The following FAT3 variants were observed in gnomAD, a reference collection of about 807,000 sequenced individuals.
FAT3 encodes FAT atypical cadherin 3, also known as protocadherin Fat 3.
FAT3 carries 95 observed loss-of-function variants against 310.2 expected under a neutral mutation model. The observed-to-expected ratio is 0.31, with a 90% confidence interval of 0.26 to 0.36. FAT3 has a LOEUF of 0.36. Ranked by LOEUF, FAT3 falls within the 10% of genes least tolerant of loss-of-function variation. FAT3 has a pLI of 1.00. For missense variants in FAT3, 5,408 were observed against 5,715.6 expected, an observed-to-expected ratio of 0.95 and a Z score of 1.74; for synonymous variants, 2,314 against 2,192.9, an observed-to-expected ratio of 1.06 and a Z score of -1.54.
At chr11:92,568,373 T>C (rs1202233009) in intron 3 of FAT3, among the ~76,000 whole-genome samples, 1 of 136,672 alleles carries the variant, frequency 7.3e-6, no homozygotes, top group Non-Finnish European at 1.6e-5. Context: ...AGTATCCCGA[T>C]GGCATGATGA....
chr11:92,860,219 A>G (rs1214733690), intron 21 of FAT3, among the ~76,000 whole-genome samples: 2 of 152,218 alleles, frequency 1.3e-5, no homozygotes, highest in African/African-American at 4.8e-5. Flanking sequence ...TACAGCTAAT[A>G]TGATAAGTTT....
Position 92,831,747 on chromosome 11 carries a change from A to G in FAT3, c.9607A>G (p.Ile3203Val), listed in dbSNP as rs139337740. ...CCGTGAGCAGCAGTCTTCGTACAAC[A>G]TCAGCGTGCGGGCCACTGACCAGAG... ...LDREQQSSYN[I>V]SVRATDQSPG... Residue 3203 changes from isoleucine to valine, a missense_variant, in exon 14 of 28, where the codon ATC becomes GTC. This residue lies in a region of FAT3 where 4,588 missense variants were observed against 4,809.8 expected (regional missense o/e 0.95). Coordinates refer to ENST00000525166, the MANE Select transcript of FAT3 (RefSeq NM_001367949.2). 1,435 of 1,613,540 alleles carry G rather than the reference A, an allele frequency of 8.9e-4. 9 individuals are homozygous for G. Among genetic ancestry groups the G allele is most frequent in the South Asian group, 5.4e-3 (490 of 90,934 alleles).
rs1947466004 is a variant in FAT3 at position 92,805,092 on chromosome 11, G to A, written c.8897-61G>A. The A allele has an allele frequency of 7.8e-6, 12 of 1,534,392 alleles. No individual in the cohort carries two copies. The South Asian group carries it at 1.1e-4, about 14-fold the overall frequency. ...GACTCCACATGCACCTCTCAAGGTA[G>A]ATGTAGATTAAGACATTTCATTGCA... On this transcript the variant is annotated intron_variant, in intron 10 of 27. Coordinates refer to ENST00000525166, the MANE Select transcript of FAT3 (RefSeq NM_001367949.2).
intron 14 of FAT3, among the ~76,000 whole-genome samples, chr11:92,833,970 A>G (rs1948332450): frequency 6.6e-6 from 1 of 152,194 alleles, no homozygotes; most frequent in African/African-American, 2.4e-5. Context: ...GAAGGAGCCT[A>G]TTGGCAGTCT....
chr11:92,666,916 G>C (rs1246591643), intron 3 of FAT3, among the ~76,000 whole-genome samples: 1 of 152,126 alleles, frequency 6.6e-6, no homozygotes, highest in African/African-American at 2.4e-5. Flanking sequence ...TCATTCACAT[G>C]GTTGTGCCTA....
intron 4 of FAT3, among the ~76,000 whole-genome samples, chr11:92,719,990 A>G (rs10501796): frequency 0.037 from 5,569 of 152,172 alleles, 240 homozygotes; most frequent in East Asian, 0.21. Context: ...CTCCTGTAGC[A>G]CGTTTAAAGG....
intron 27 of FAT3, 79 bp from the exon 28 acceptor site, chr11:92,890,412 G>A (rs575693421): frequency 6.7e-7 from 1 of 1,493,920 alleles, no homozygotes; most frequent in Non-Finnish European, 9.0e-7. Flanking sequence ...TGCATGTCAG[G>A]TCCCTTCCCT....
At chr11:92,748,461 C>G (rs1945736897) in intron 4 of FAT3, among the ~76,000 whole-genome samples, 1 of 152,158 alleles carries the variant, frequency 6.6e-6, no homozygotes, top group South Asian at 2.1e-4. Context: ...TAATTCTCTT[C>G]CTTTCTCCTT....
At chr11:92,809,588 T>C (rs1947609467) in intron 12 of FAT3, among the ~76,000 whole-genome samples, 1 of 152,206 alleles carries the variant, frequency 6.6e-6, no homozygotes, top group African/African-American at 2.4e-5. Context: ...GAGCCCCTTA[T>C]ACCAGCGGTT....
rs529698975 is a variant in FAT3 at position 92,883,080 on chromosome 11, G to A, written c.12624G>A (p.Pro4208=). 5.6e-6 allele frequency: 9 copies of A among 1,613,842 alleles called. No individual in the cohort carries two copies. Among genetic ancestry groups the A allele is most frequent in the African/African-American group, 1.3e-5 (1 of 75,070 alleles). The change falls in exon 24 of 28, where the codon CCG becomes CCA. Residue 4208 remains proline, a synonymous_variant. Coordinates refer to ENST00000525166, the MANE Select transcript of FAT3 (RefSeq NM_001367949.2). The surrounding 1 kb of genome is among the most constrained non-coding windows in gnomAD (Gnocchi z 4.2). ...AALLNKSNGI[P]FRNLRGSGDG... ...TGCTTAACAAGAGCAATGGCATCCC[G>A]TTCCGGAACCTGCGCGGCAGTGGGG...
rs115580407 is a variant in FAT3 at position 92,793,704 on chromosome 11, C to T, written c.4822+727C>T. On this transcript the variant is annotated intron_variant, in intron 9 of 27. Transcript: ENST00000525166. Reference sequence around the variant, plus strand: ...TATCCTTTATCTGCTCTATGTTCTCCTCCCCATTCCATCTTTTTTGAATAT... The same window carrying T: ...TATCCTTTATCTGCTCTATGTTCTCTTCCCCATTCCATCTTTTTTGAATAT... 7.5e-3 allele frequency among the ~76,000 whole-genome samples: 1,144 copies of T among 152,230 alleles called. 14 individuals carry two copies. The highest frequency in any genetic ancestry group is 0.026 in the African/African-American group (1,081 of 41,534).
At chr11:92,557,999 C>T (rs539219766) in intron 3 of FAT3, among the ~76,000 whole-genome samples, 1 of 152,260 alleles carries the variant, frequency 6.6e-6, no homozygotes, top group East Asian at 1.9e-4. Flanking sequence ...TTTGGCCAGG[C>T]TAGATATCTC....
chr11:92,395,933 T>G (rs904465884), intron 2 of FAT3, among the ~76,000 whole-genome samples: 4 of 152,096 alleles, frequency 2.6e-5, no homozygotes, highest in African/African-American at 9.7e-5. Context: ...TTTTTTCTCC[T>G]TCTATGTTAA....
At chr11:92,240,575 CCA>C (rs775654032) in intron 1 of FAT3, among the ~76,000 whole-genome samples, 56 of 89,380 alleles carry the variant, frequency 6.3e-4, no homozygotes, top group Admixed American at 2.8e-3. Context: ...TGAAACCCCC[CCA>C]AAAAAAAAAA....
At chr11:92,433,490 T>C (rs1404407507) in intron 2 of FAT3, among the ~76,000 whole-genome samples, 1 of 151,580 alleles carries the variant, frequency 6.6e-6, no homozygotes, top group Non-Finnish European at 1.5e-5. Flanking sequence ...GGGGAGGGAG[T>C]TCCCTGACCC....
intron 2 of FAT3, among the ~76,000 whole-genome samples, chr11:92,483,301 C>CT (rs571507582): frequency 7.4e-4 from 113 of 151,944 alleles, no homozygotes; most frequent in African/African-American, 2.6e-3. Context: ...TCAAACACAT[C>CT]TTTTTTTATC....
At chr11:92,612,991 T>C (rs1417413698) in intron 3 of FAT3, among the ~76,000 whole-genome samples, 1 of 152,204 alleles carries the variant, frequency 6.6e-6, no homozygotes, top group Non-Finnish European at 1.5e-5. Context: ...TAATGCAGCA[T>C]AATAGGTAGG....
chr11:92,372,000 C>T (rs997138819), intron 2 of FAT3, among the ~76,000 whole-genome samples: 1 of 152,180 alleles, frequency 6.6e-6, no homozygotes, highest in African/African-American at 2.4e-5. Flanking sequence ...CACAACAATA[C>T]TCAGCCTGTT....
intron 13 of FAT3, among the ~76,000 whole-genome samples, chr11:92,824,337 A>G (rs1260316121): frequency 6.6e-6 from 1 of 152,152 alleles, no homozygotes; most frequent in Non-Finnish European, 1.5e-5. Flanking sequence ...AGCCTGGGTG[A>G]CAGAGTGAGA....
Sources: gnomAD v4.1 joint callset for allele counts (sites outside exome capture counted in the v4.1 genomes callset) on GRCh38, gnomAD v4.1.1 for gene constraint, gnomAD v4.1.1 regional missense constraint, Gnocchi (gnomAD v3.1) non-coding constraint, MANE v1.5 for transcripts, NCBI Gene and HGNC (gene_info 2026-07-23, HGNC 2026-07-21) for gene names.